LYPD6B: variants seen among roughly 807,000 people sequenced by gnomAD.
LYPD6B encodes the protein LY6/PLAUR domain containing 6B.
A neutral mutation model predicts 22.8 loss-of-function variants in LYPD6B; 17 were observed. The observed-to-expected ratio is 0.75, with a 90% confidence interval of 0.51 to 1.12. LYPD6B has a LOEUF of 1.12. Among genes scored for constraint, LYPD6B ranks in the 50% most tolerant of loss-of-function variants. The pLI is 0.00. For synonymous variants in LYPD6B, 106 were observed against 91.6 expected, an observed-to-expected ratio of 1.16 and a Z score of -0.90; for missense variants, 221 against 258.3, an observed-to-expected ratio of 0.86 and a Z score of 0.99.
chr2:149,179,041 C>T (rs760440754), intron 3 of LYPD6B, among the ~76,000 whole-genome samples: 45 of 152,204 alleles, frequency 3.0e-4, no homozygotes, highest in Non-Finnish European at 8.8e-5. Context: ...GAAAGAAAGT[C>T]GCAGCGGTAC....
intron 3 of LYPD6B, among the ~76,000 whole-genome samples, chr2:149,202,702 T>G (rs1447984373): frequency 6.6e-6 from 1 of 152,190 alleles, no homozygotes; most frequent in African/African-American, 2.4e-5. Flanking sequence ...TGTTATTTAT[T>G]AGGTATCAAT....
chr2:149,185,059 C>T (rs1691998906), intron 3 of LYPD6B, among the ~76,000 whole-genome samples: 2 of 152,214 alleles, frequency 1.3e-5, no homozygotes, highest in South Asian at 4.1e-4. Context: ...AAGATTACTC[C>T]TGCCATCAGG....
intron 6 of LYPD6B, 74 bp from the exon 7 acceptor site, chr2:149,214,472 T>C: frequency 6.6e-7 from 1 of 1,507,040 alleles, no homozygotes; most frequent in South Asian, 1.2e-5. Context: ...GAAGCCTTTG[T>C]TTTATCTTTC....
At chr2:149,156,366 T>A (rs550983759) in intron 2 of LYPD6B, among the ~76,000 whole-genome samples, 229 of 152,312 alleles carry the variant, frequency 1.5e-3, no homozygotes, top group Non-Finnish European at 2.8e-3. Context: ...CCCCGTGACC[T>A]TTCCAGACTT....
intron 1 of LYPD6B, among the ~76,000 whole-genome samples, chr2:149,064,200 T>C (rs1476359891): frequency 6.6e-6 from 1 of 152,220 alleles, no homozygotes; most frequent in Non-Finnish European, 1.5e-5. Context: ...CTATTTTGCT[T>C]ATGTTTCCAA....
At chr2:149,088,758 CGTT>C (rs1335453705) in intron 1 of LYPD6B, among the ~76,000 whole-genome samples, 1 of 152,136 alleles carries the variant, frequency 6.6e-6, no homozygotes, top group Non-Finnish European at 1.5e-5. Flanking sequence ...CTAAACAAAA[CGTT>C]GTGGCATTGA....
intron 1 of LYPD6B, among the ~76,000 whole-genome samples, chr2:149,106,355 T>C (rs973399303): frequency 3.9e-5 from 6 of 152,168 alleles, no homozygotes; most frequent in Non-Finnish European, 7.4e-5. Flanking sequence ...CAGTTGGTAT[T>C]ATTTCTTCCT....
intron 3 of LYPD6B, among the ~76,000 whole-genome samples, chr2:149,170,756 C>CT (rs1265914633): frequency 1.3e-5 from 2 of 152,020 alleles, no homozygotes; most frequent in Non-Finnish European, 2.9e-5. Context: ...AAAATCCTAC[C>CT]TTTTTTCTAC....
intron 1 of LYPD6B, among the ~76,000 whole-genome samples, chr2:149,111,276 C>T (rs969744982): frequency 6.6e-6 from 1 of 152,048 alleles, no homozygotes; most frequent in African/African-American, 2.4e-5. Flanking sequence ...CCTGACTTAC[C>T]TTTTTAAAGG....
chr2:149,133,531 A>T (rs1688159818), intron 2 of LYPD6B, among the ~76,000 whole-genome samples: 1 of 152,218 alleles, frequency 6.6e-6, no homozygotes, highest in Admixed American at 6.5e-5. Context: ...CTTAGAGAAC[A>T]GTCTTGGGAA....
intron 1 of LYPD6B, among the ~76,000 whole-genome samples, chr2:149,101,833 C>G (rs970361706): frequency 6.6e-6 from 1 of 152,232 alleles, no homozygotes; most frequent in African/African-American, 2.4e-5. Flanking sequence ...AATGAGATAT[C>G]AGAGGCAGGA....
chr2:149,128,816 C>T (rs1261814370), intron 1 of LYPD6B, among the ~76,000 whole-genome samples: 6 of 152,132 alleles, frequency 3.9e-5, no homozygotes, highest in Non-Finnish European at 8.8e-5. Context: ...TAAGGAATAC[C>T]AGTAAAGAAC....
In LYPD6B at chr2:149,103,690, T is replaced by C. The variant is rs566288232; in HGVS notation, c.-66-27193T>C. ...CCCTGTTGCCCAGGCAGGGAAGTAC[T>C]TTCTGCCAGTATAATTTGCATTTTG... is the stretch of plus-strand genomic sequence containing the variant. On this transcript the variant is annotated intron_variant, in intron 1 of 6. Coordinates refer to ENST00000409642, the MANE Select transcript of LYPD6B (RefSeq NM_177964.5). Among the ~76,000 whole-genome samples the C allele has an allele frequency of 2.6e-5, 4 of 152,160 alleles. No individual in the cohort carries two copies. The East Asian group carries it at 7.7e-4, about 29-fold the overall frequency.
intron 1 of LYPD6B, among the ~76,000 whole-genome samples, chr2:149,061,401 G>A (rs76004845): frequency 1.4e-4 from 21 of 152,216 alleles, no homozygotes; most frequent in African/African-American, 4.6e-4. Flanking sequence ...GTTTATATGT[G>A]TTTTTAGGTG....
intron 3 of LYPD6B, among the ~76,000 whole-genome samples, chr2:149,195,053 C>G (rs1692720871): frequency 2.0e-5 from 3 of 152,212 alleles, no homozygotes; most frequent in African/African-American, 7.2e-5. Flanking sequence ...AAACTTAAAA[C>G]ATTGTTCACT....
chr2:149,143,858 G>T (rs1688848936), intron 2 of LYPD6B: 1 of 152,140 alleles, frequency 6.6e-6, no homozygotes, highest in South Asian at 2.1e-4. Flanking sequence ...TTTCACATCA[G>T]AAACTGAAAA....
intron 2 of LYPD6B, among the ~76,000 whole-genome samples, chr2:149,155,740 A>AATACACT (rs1689659979): frequency 6.6e-6 from 1 of 152,182 alleles, no homozygotes; most frequent in South Asian, 2.1e-4. Flanking sequence ...ATCCCCTTTG[A>AATACACT]GCCACAGGAT....
At chr2:149,063,315 G>A (rs930684249) in intron 1 of LYPD6B, among the ~76,000 whole-genome samples, 3 of 152,098 alleles carry the variant, frequency 2.0e-5, no homozygotes, top group African/African-American at 7.2e-5. Flanking sequence ...CACCCAAGAA[G>A]TAGCCCCGCC....
At chr2:149,100,518 C>T (rs1274988826) in intron 1 of LYPD6B, among the ~76,000 whole-genome samples, 1 of 150,614 alleles carries the variant, frequency 6.6e-6, no homozygotes, top group Non-Finnish European at 1.5e-5. Context: ...CACAGAGGAC[C>T]TTTGCTTTTA....
Sources: gnomAD v4.1 joint callset for allele counts (sites outside exome capture counted in the v4.1 genomes callset) on GRCh38, gnomAD v4.1.1 for gene constraint, MANE v1.5 for transcripts, NCBI Gene and HGNC (gene_info 2026-07-23, HGNC 2026-07-21) for gene names.